LGR4: variants seen among roughly 807,000 people sequenced by gnomAD.
The protein encoded by LGR4 is leucine-rich repeat-containing G protein-coupled receptor 4.
In LGR4, 44 loss-of-function variants were observed where a neutral mutation model predicts 84.8. The ratio of observed to expected loss-of-function variants is 0.52; its 90% CI spans 0.41 to 0.67. The LOEUF (loss-of-function observed/expected upper bound fraction) is 0.67. Among genes scored for constraint, LGR4 ranks in the 30% least tolerant of loss-of-function variants. The pLI is 0.00. For synonymous variants in LGR4, 429 were observed against 434.3 expected (o/e 0.99, Z 0.15); for missense variants, 1,032 against 1,131.4 (o/e 0.91, Z 1.26).
At chr11:27,405,912 A>G (rs1475071697) in intron 2 of LGR4, among the ~76,000 whole-genome samples, 1 of 152,256 alleles carries the variant, frequency 6.6e-6, no homozygotes, top group East Asian at 1.9e-4. Context: ...GTCATATCTG[A>G]ACAAATCATT....
Position 27,377,177 on chromosome 11 carries a change from A to G in LGR4, c.1090T>C (p.Cys364Arg). The G allele has an allele frequency of 6.3e-7, 1 of 1,592,254 alleles. No homozygotes were observed. The highest frequency in any genetic ancestry group is 8.6e-7 in the Non-Finnish European group (1 of 1,163,446). Residue 364 changes from cysteine (C) to arginine (R), a missense_variant, in exon 12 of 18, where the codon TGC becomes CGC. Transcript: ENST00000379214. ...ACTCACATTTCTTCCAGAGCATGGC[A>G]ACCATTAAAACTTGGAAGGTCTCTT... ...NIRDLPSFNG[C>R]HALEEISLQR...
intron 2 of LGR4, among the ~76,000 whole-genome samples, chr11:27,408,061 GTTA>G (rs1221268688): frequency 2.6e-5 from 4 of 152,040 alleles, no homozygotes; most frequent in South Asian, 2.1e-4. Flanking sequence ...GTTTGTATAT[GTTA>G]TTATCATGGA....
chr11:27,408,462 A>C (rs1863652581), intron 2 of LGR4, among the ~76,000 whole-genome samples: 1 of 152,118 alleles, frequency 6.6e-6, no homozygotes, highest in African/African-American at 2.4e-5. Context: ...TGCCACATCA[A>C]AGTAACAGCC....
chr11:27,424,683 G>A (rs905136960), intron 1 of LGR4, among the ~76,000 whole-genome samples: 7 of 152,156 alleles, frequency 4.6e-5, no homozygotes, highest in African/African-American at 1.2e-4. Flanking sequence ...CCCCATCGCC[G>A]TGGATGCTCA....
intron 9 of LGR4, 107 bp from the exon 10 acceptor site, chr11:27,380,446 T>G: frequency 2.5e-6 from 2 of 814,088 alleles, no homozygotes; most frequent in Non-Finnish European, 3.9e-6. Flanking sequence ...TAAAACTAGT[T>G]TCATCTCTTG....
intron 2 of LGR4, among the ~76,000 whole-genome samples, chr11:27,405,083 A>C (rs1388418327): frequency 1.3e-5 from 2 of 152,068 alleles, no homozygotes; most frequent in Non-Finnish European, 2.9e-5. Flanking sequence ...TCCAAAAACC[A>C]CCTATTAGCA....
intron 1 of LGR4, among the ~76,000 whole-genome samples, chr11:27,418,354 A>T (rs376271742): frequency 6.6e-6 from 1 of 152,216 alleles, no homozygotes; most frequent in Non-Finnish European, 1.5e-5. Context: ...TGCTCCAAAG[A>T]TATTTTTTTG....
At chr11:27,405,671 T>C (rs1343664742) in intron 2 of LGR4, among the ~76,000 whole-genome samples, 1 of 152,170 alleles carries the variant, frequency 6.6e-6, no homozygotes, top group Non-Finnish European at 1.5e-5. Context: ...CTCCTGGTAA[T>C]CTTAAAATTC....
chr11:27,391,151 T>C lies in LGR4; in HGVS notation c.344A>G (p.Asn115Ser). 1 of 1,606,094 alleles carries C rather than the reference T, an allele frequency of 6.2e-7. No individual in the cohort carries two copies. Among genetic ancestry groups the C allele is most frequent in the Non-Finnish European group, 8.5e-7 (1 of 1,175,684 alleles). The change falls in exon 4 of 18, where the codon AAT (asparagine) becomes AGT (serine). Residue 115 changes from asparagine (N) to serine (S), a missense_variant. Transcript: ENST00000379214. Reference protein sequence around the residue: ...KELKVLTLQNNQLKTVPSEAI... With the variant: ...KELKVLTLQNSQLKTVPSEAI... ...TTCACTGGGTACTGTTTTCAACTGATTATTCTGGAGCGTTCTGAAAGAAAA... is the reference window on the plus strand; with the variant it reads ...TTCACTGGGTACTGTTTTCAACTGACTATTCTGGAGCGTTCTGAAAGAAAA...
At chr11:27,469,646 G>A (rs1864835710) in intron 1 of LGR4, among the ~76,000 whole-genome samples, 1 of 152,212 alleles carries the variant, frequency 6.6e-6, no homozygotes, top group South Asian at 2.1e-4. Flanking sequence ...ACTCTGATTA[G>A]TAATTATAGT....
At chr11:27,435,099 G>C (rs920288429) in intron 1 of LGR4, among the ~76,000 whole-genome samples, 1 of 152,054 alleles carries the variant, frequency 6.6e-6, no homozygotes, top group Non-Finnish European at 1.5e-5. Context: ...ACTTTGGGAG[G>C]CCAAGTCGGG....
chr11:27,439,164 T>C (rs4351777), intron 1 of LGR4, among the ~76,000 whole-genome samples: 129,161 of 152,094 alleles, frequency 0.85, 55,147 homozygotes, highest in South Asian at 0.91. Context: ...TCCATCCACA[T>C]AGAACTTTTT....
intron 1 of LGR4, among the ~76,000 whole-genome samples, chr11:27,445,846 C>T (rs1156831898): frequency 1.3e-5 from 2 of 151,378 alleles, no homozygotes; most frequent in African/African-American, 2.4e-5. Flanking sequence ...CACTGTACTA[C>T]AGGCTGGGCA....
chr11:27,468,379 A>C (rs1864816916), intron 1 of LGR4, among the ~76,000 whole-genome samples: 1 of 152,194 alleles, frequency 6.6e-6, no homozygotes, highest in Non-Finnish European at 1.5e-5. Context: ...CACAGGAAAC[A>C]ACCAGGGCTA....
At chr11:27,413,411 A>G (rs745788574) in intron 1 of LGR4, among the ~76,000 whole-genome samples, 20 of 152,166 alleles carry the variant, frequency 1.3e-4, no homozygotes, top group Non-Finnish European at 8.8e-5. Context: ...CATGATAGGT[A>G]TGTGGTCCAT....
chr11:27,441,379 G>C (rs1229229172), intron 1 of LGR4, among the ~76,000 whole-genome samples: 1 of 152,114 alleles, frequency 6.6e-6, no homozygotes, highest in Non-Finnish European at 1.5e-5. Flanking sequence ...TGTATGATAA[G>C]TACTTAGTTT....
chr11:27,412,306 C>G lies in LGR4; in HGVS notation c.257+483G>C, dbSNP rs79395386. Among the ~76,000 whole-genome samples the G allele has an allele frequency of 1.3e-4, 20 of 152,254 alleles. No individual in the cohort carries two copies. In the East Asian group the frequency reaches 3.9e-3, roughly 29 times the overall value. On this transcript the variant is annotated intron_variant, in intron 2 of 17. Transcript: ENST00000379214. Reference sequence around the variant, plus strand: ...ACCTAGACAGTGTTTCATGCCTTCACCCCATTTCCAAAGGTCATCTGCAAT... The same window carrying G: ...ACCTAGACAGTGTTTCATGCCTTCAGCCCATTTCCAAAGGTCATCTGCAAT...
chr11:27,391,191 G>T, intron 3 of LGR4, 26 bp from the exon 4 acceptor site: 2 of 1,275,166 alleles, frequency 1.6e-6, no homozygotes, highest in Non-Finnish European at 2.2e-6. Context: ...TGGTTAGTGA[G>T]TAACAAGTGA....
intron 1 of LGR4, among the ~76,000 whole-genome samples, chr11:27,433,079 A>C (rs753399875): frequency 6.6e-6 from 1 of 152,262 alleles, no homozygotes; most frequent in Admixed American, 6.5e-5. Context: ...CCTGAAAATT[A>C]ATGTTTATAT....
Sources: gnomAD v4.1 joint callset for allele counts (sites outside exome capture counted in the v4.1 genomes callset) on GRCh38, gnomAD v4.1.1 for gene constraint, MANE v1.5 for transcripts, NCBI Gene and HGNC (gene_info 2026-07-23, HGNC 2026-07-21) for gene names.